Variants in GNAL observed in about 807,000 individuals in gnomAD.
GNAL encodes the protein G protein subunit alpha L.
Under a neutral mutation model 55.1 loss-of-function variants are expected in GNAL, and 18 were observed. That is an observed-to-expected ratio of 0.33 (90% confidence interval 0.23 to 0.48). GNAL has a LOEUF of 0.48. Ranked by LOEUF, GNAL falls within the 20% of genes least tolerant of loss-of-function variation. The pLI is 0.99. For missense variants in GNAL, 412 were observed against 614.1 expected (o/e 0.67, Z 3.48); for synonymous variants, 253 against 237.0 (o/e 1.07, Z -0.62).
intron 11 of GNAL, among the ~76,000 whole-genome samples, chr18:11,878,034 A>T (rs1387737798): frequency 6.6e-6 from 1 of 152,348 alleles, no homozygotes. Context: ...GTAATAGCTC[A>T]AGGGATCCCT....
chr18:11,852,953 A>G (rs997681211), intron 5 of GNAL: 2 of 167,010 alleles, frequency 1.2e-5, no homozygotes, highest in African/African-American at 4.8e-5. Context: ...TCCTGTTTCA[A>G]CACTATTAGA....
chr18:11,728,460 T>C (rs2032263660), intron 1 of GNAL, among the ~76,000 whole-genome samples: 1 of 152,198 alleles, frequency 6.6e-6, no homozygotes, highest in Non-Finnish European at 1.5e-5. Flanking sequence ...GCTGCATTTT[T>C]ACACTTGCTT....
intron 4 of GNAL, among the ~76,000 whole-genome samples, chr18:11,754,544 TATTCTTAAACTAACA>T (rs2041961189): frequency 6.6e-6 from 1 of 152,208 alleles, no homozygotes; most frequent in African/African-American, 2.4e-5. Flanking sequence ...TTCCTGTCTG[TATTCTTAAACTAACA>T]ATTAAGCAGT....
At chr18:11,863,336 G>A (rs973312542) in intron 6 of GNAL, among the ~76,000 whole-genome samples, 2 of 152,128 alleles carry the variant, frequency 1.3e-5, no homozygotes, top group Non-Finnish European at 2.9e-5. Context: ...GGATGTCTCT[G>A]TTCAAACCAC....
intron 4 of GNAL, among the ~76,000 whole-genome samples, chr18:11,786,813 G>T (rs1211211100): frequency 6.6e-6 from 1 of 151,796 alleles, no homozygotes; most frequent in Non-Finnish European, 1.5e-5. Flanking sequence ...TAATTTCTCT[G>T]TTAATCCAGC....
intron 4 of GNAL, among the ~76,000 whole-genome samples, chr18:11,769,194 TTA>T (rs997644741): frequency 1.8e-5 from 2 of 108,486 alleles, no homozygotes; most frequent in Admixed American, 9.0e-5. Context: ...ATTATATAAA[TTA>T]TATATAATAT....
chr18:11,815,134 A>G (rs12965256), intron 4 of GNAL, among the ~76,000 whole-genome samples: 100,298 of 151,982 alleles, frequency 0.66, 35,830 homozygotes, highest in Admixed American at 0.8. Flanking sequence ...GAATATTATC[A>G]CCCCAGAGAA....
chr18:11,874,704 G>A (rs1410880148), intron 10 of GNAL, among the ~76,000 whole-genome samples: 9 of 148,916 alleles, frequency 6.0e-5, no homozygotes, highest in Admixed American at 2.7e-4. Flanking sequence ...GCATTCCAGA[G>A]TATGTCAGTG....
chr18:11,704,208 C>A (rs1414487733), intron 1 of GNAL, among the ~76,000 whole-genome samples: 2 of 152,218 alleles, frequency 1.3e-5, no homozygotes, highest in Non-Finnish European at 1.5e-5. Context: ...CAGTGGGTCA[C>A]ACCCTAGACC....
chr18:11,856,027 C>T (rs1408668148), intron 5 of GNAL, among the ~76,000 whole-genome samples: 1 of 150,904 alleles, frequency 6.6e-6, no homozygotes, highest in Non-Finnish European at 1.5e-5. Context: ...ACCTTATTAA[C>T]TGAGCATAGT....
intron 4 of GNAL, among the ~76,000 whole-genome samples, chr18:11,773,887 G>A (rs2033705664): frequency 6.6e-6 from 1 of 152,218 alleles, no homozygotes; most frequent in African/African-American, 2.4e-5. Context: ...TTATGGTTAA[G>A]AGTGCAGACT....
chr18:11,764,906 CTT>C (rs940035748), intron 4 of GNAL, among the ~76,000 whole-genome samples: 1 of 152,194 alleles, frequency 6.6e-6, no homozygotes, highest in Non-Finnish European at 1.5e-5. Context: ...ATACTGAAGA[CTT>C]TATTTTTGTT....
At chr18:11,725,495 G>A (rs1307246060) in intron 1 of GNAL, among the ~76,000 whole-genome samples, 1 of 152,120 alleles carries the variant, frequency 6.6e-6, no homozygotes, top group African/African-American at 2.4e-5. Flanking sequence ...GGCAGCTCTA[G>A]TAAACGAATA....
intron 5 of GNAL, chr18:11,852,035 C>T (rs757150985): frequency 4.3e-6 from 7 of 1,613,792 alleles, no homozygotes; most frequent in South Asian, 1.1e-5. Context: ...CAGACCGGCT[C>T]CGTGGGCACG....
intron 4 of GNAL, chr18:11,810,376 C>CA (rs2034780371): frequency 6.6e-6 from 1 of 152,380 alleles, no homozygotes. Context: ...GCCTGAGTGA[C>CA]AGAGTGAGAT....
intron 4 of GNAL, among the ~76,000 whole-genome samples, chr18:11,797,644 G>T (rs142586522): frequency 3.0e-3 from 453 of 152,056 alleles, no homozygotes; most frequent in African/African-American, 9.9e-3. Context: ...CTTGGGTGGT[G>T]GGGGGGCTGG....
chr18:11,717,611 T>C (rs1361675860), intron 1 of GNAL, among the ~76,000 whole-genome samples: 1 of 151,994 alleles, frequency 6.6e-6, no homozygotes, highest in Non-Finnish European at 1.5e-5. Flanking sequence ...TATGCAGCCA[T>C]AAAAAAAAGA....
chr18:11,884,681 C>T lies in GNAL; in HGVS notation c.*3546C>T, dbSNP rs561305545. The T allele has an allele frequency of 8.4e-4, 1,303 of 1,558,868 alleles. 7 individuals are homozygous for T. In the African/African-American group the frequency reaches 0.015, roughly 18 times the overall value. ...AGAGCACCAGGCACACGTTGAACAC[C>T]GCAGTCTTAGAAACAGCAGAGGGAA... On this transcript the variant is annotated 3_prime_UTR_variant, in exon 12 of 12. Transcript: ENST00000334049.
In GNAL at chr18:11,883,645, A is replaced by G. The variant is rs2036783388; in HGVS notation, c.*2510A>G. ...ATCTGATTCCATTAATTGATCAAGT[A>G]TAAAAATCTACGAAAACAATATGTT... On this transcript the variant is annotated 3_prime_UTR_variant, in exon 12 of 12. Transcript: ENST00000334049. The G allele has an allele frequency of 6.5e-6, 1 of 153,366 alleles. No individual in the cohort carries two copies. The highest frequency in any genetic ancestry group is 1.5e-5 in the Non-Finnish European group (1 of 68,046). 9.5% of individuals were successfully genotyped at this position (153,366 alleles called of 1,614,324 possible). A position where few individuals can be genotyped will look rare whatever the true frequency, so the allele number is the denominator to read the frequency against.
Sources: allele counts gnomAD v4.1 joint callset (sites outside exome capture counted in the v4.1 genomes callset), GRCh38; gene constraint gnomAD v4.1.1; transcripts MANE v1.5; gene names NCBI Gene and HGNC (gene_info 2026-07-23, HGNC 2026-07-21).